Variants in GPATCH11 observed in about 807,000 individuals in gnomAD.
GPATCH11 encodes the protein G-patch domain containing 11.
Under a neutral mutation model 44.8 loss-of-function variants are expected in GPATCH11, and 32 were observed. That is an observed-to-expected ratio of 0.71 (90% CI 0.54 to 0.96). The LOEUF (loss-of-function observed/expected upper bound fraction) is 0.96. GPATCH11 is among the 40% of genes least tolerant of loss of function. GPATCH11 has a pLI of 0.00. For missense variants in GPATCH11, 324 were observed against 303.1 expected (o/e 1.07, Z -0.51); for synonymous variants, 84 against 94.4 (o/e 0.89, Z 0.64).
rs1673721785 is a variant in GPATCH11, at chr2:37,098,752, AAT to A, written c.*2491_*2492del. 6.6e-6 allele frequency: 1 copy of A among 152,214 alleles called. No individual in the cohort carries two copies. The highest frequency in any genetic ancestry group is 1.5e-5 in the Non-Finnish European group (1 of 68,050). The allele number at this position is 152,214 out of a possible 1,614,324, so 9.4% of individuals were successfully genotyped here. ...CCTCTGTTGTCCATCGAAAGATAAA[AAT>A]ACAGGCTTTCAGCCGGGTGCAGTGG... is the stretch of plus-strand genomic sequence containing the variant. On this transcript the variant is annotated 3_prime_UTR_variant, in exon 9 of 9. Transcript: ENST00000674370.
intron 1 of GPATCH11, among the ~76,000 whole-genome samples, chr2:37,085,620 T>C (rs1223619658): frequency 6.6e-6 from 1 of 152,214 alleles, no homozygotes; most frequent in Non-Finnish European, 1.5e-5. Context: ...ATAGTGACTA[T>C]TCTTAGAACC....
chr2:37,091,459 C>T (rs994967460), intron 4 of GPATCH11, among the ~76,000 whole-genome samples: 1 of 152,030 alleles, frequency 6.6e-6, no homozygotes, highest in Non-Finnish European at 1.5e-5. Context: ...ATTCAGGAGG[C>T]TGAGGCGGGA....
At chr2:37,092,109 A>G (rs1673352398) in intron 5 of GPATCH11, 56 bp from the exon 6 acceptor site, 1 of 1,572,018 alleles carries the variant, frequency 6.4e-7, no homozygotes, top group South Asian at 1.2e-5. Context: ...ACTTGGGCAT[A>G]TAAAATGGTT....
At chr2:37,089,574 TAA>T (rs371385606) in intron 2 of GPATCH11, 64 bp from the exon 3 acceptor site, 49,548 of 937,886 alleles carry the variant, frequency 0.053, 328 homozygotes, top group Non-Finnish European at 0.06. Flanking sequence ...TCTCAAAAAA[TAA>T]AAAAAAAAAA....
chr2:37,092,796 A>G (rs79934313), intron 6 of GPATCH11, among the ~76,000 whole-genome samples: 5,247 of 152,274 alleles, frequency 0.034, 128 homozygotes, highest in Non-Finnish European at 0.052. Context: ...ATATTTGATT[A>G]ACAAGAATAG....
rs370591136 is a variant in GPATCH11, at chr2:37,096,196, C to T, written c.737-12C>T. On this transcript the variant is annotated splice_polypyrimidine_tract_variant and intron_variant, in intron 8 of 8. Coordinates refer to ENST00000674370, the MANE Select transcript of GPATCH11 (RefSeq NM_174931.4). The stretch of plus-strand genomic sequence containing the variant: ...TTGTATTAATCTTTCATTTCCCTCA[C>T]ATAACTTACAGATAAAGAAGACCTA... 6.5e-6 allele frequency: 10 copies of T among 1,527,822 alleles called. No homozygotes were observed. The African/African-American group carries it at 1.4e-4, about 21-fold the overall frequency. 94.6% of individuals were successfully genotyped at this position (1,527,822 alleles called of 1,614,324 possible).
intron 6 of GPATCH11, 80 bp from the exon 7 acceptor site, chr2:37,094,002 A>G: frequency 2.2e-6 from 2 of 906,062 alleles, no homozygotes; most frequent in African/African-American, 1.6e-5. Flanking sequence ...TATTGAAAGA[A>G]TGAATTCATG....
Position 37,096,649 on chromosome 2 carries a change from CT to C in GPATCH11, c.*391del. The C allele has an allele frequency of 5.6e-6, 1 of 178,006 alleles. No homozygotes were observed. The highest frequency in any genetic ancestry group is 1.2e-5 in the Non-Finnish European group (1 of 85,698). 11.0% of individuals were successfully genotyped at this position (178,006 alleles called of 1,614,324 possible). On this transcript the variant is annotated 3_prime_UTR_variant, in exon 9 of 9. Coordinates refer to ENST00000674370, the MANE Select transcript of GPATCH11 (RefSeq NM_174931.4). ...AAACTGATACAGAGAAGAAGGTTGACTTTTTCTCCAGTCAGAGACTGTAATA... is the reference window on the plus strand; with the variant it reads ...AAACTGATACAGAGAAGAAGGTTGACTTTTCTCCAGTCAGAGACTGTAATA...
At chr2:37,085,264 G>C (rs999077979) in intron 1 of GPATCH11, among the ~76,000 whole-genome samples, 2 of 152,094 alleles carry the variant, frequency 1.3e-5, no homozygotes, top group Non-Finnish European at 2.9e-5. Flanking sequence ...ACTATGACCC[G>C]GATTCTTTGT....
chr2:37,093,771 C>T lies in GPATCH11; in HGVS notation c.541-311C>T, dbSNP rs111954935. Among the ~76,000 whole-genome samples, 347 of 152,254 alleles carry T rather than the reference C, an allele frequency of 2.3e-3. 1 individual carries two copies. Among genetic ancestry groups the T allele is most frequent in the African/African-American group, 8.0e-3 (334 of 41,542 alleles). On this transcript the variant is annotated intron_variant, in intron 6 of 8. Transcript: ENST00000674370. ...TCCTGGGTTCAAGCAATTCTCCTGC[C>T]TCGGCCTCCTGAGTAGCTGGGACGA... is the stretch of plus-strand genomic sequence containing the variant.
chr2:37,089,426 G>C (rs1673198843), intron 2 of GPATCH11, among the ~76,000 whole-genome samples: 1 of 152,130 alleles, frequency 6.6e-6, no homozygotes, highest in Non-Finnish European at 1.5e-5. Flanking sequence ...AAATAGCCGG[G>C]CATGGTCGTG....
chr2:37,093,231 A>G (rs992866864), intron 6 of GPATCH11, among the ~76,000 whole-genome samples: 4 of 152,184 alleles, frequency 2.6e-5, no homozygotes, highest in African/African-American at 9.7e-5. Context: ...ATGGTGGCTC[A>G]TGTCTGTAAT....
intron 1 of GPATCH11, among the ~76,000 whole-genome samples, chr2:37,085,681 A>C (rs1256297862): frequency 6.6e-6 from 1 of 152,250 alleles, no homozygotes; most frequent in East Asian, 1.9e-4. Context: ...CAGGTGCCTG[A>C]TAAGGTTCTA....
rs777062849 is a variant in GPATCH11 at position 37,091,907 on chromosome 2, T to A, written c.329-9T>A. 9.3e-6 allele frequency: 15 copies of A among 1,605,554 alleles called. No individual in the cohort carries two copies. Among genetic ancestry groups the A allele is most frequent in the Non-Finnish European group, 1.3e-5 (15 of 1,175,102 alleles). On this transcript the variant is annotated splice_polypyrimidine_tract_variant and intron_variant, in intron 4 of 8. Coordinates refer to ENST00000674370, the MANE Select transcript of GPATCH11 (RefSeq NM_174931.4). ...GGATGTTTCTCATCAGAATTTTCTG[T>A]TTGAATAGGGAAAAGTGGCATTGGT... is the stretch of plus-strand genomic sequence containing the variant.
At chr2:37,086,470 A>G (rs1673054861) in intron 1 of GPATCH11, among the ~76,000 whole-genome samples, 3 of 152,206 alleles carry the variant, frequency 2.0e-5, no homozygotes, top group Admixed American at 2.0e-4. Flanking sequence ...CAAGATATAC[A>G]TTATCTAGTT....
At chr2:37,086,559 C>A (rs1380053969) in intron 1 of GPATCH11, among the ~76,000 whole-genome samples, 1 of 152,110 alleles carries the variant, frequency 6.6e-6, no homozygotes, top group Non-Finnish European at 1.5e-5. Flanking sequence ...CTTTGGGAGA[C>A]CGAGTGAGGC....
At chr2:37,088,348 T>G (rs1249146194) in intron 1 of GPATCH11, 21 bp from the exon 2 acceptor site, 1 of 1,246,258 alleles carries the variant, frequency 8.0e-7, no homozygotes, top group South Asian at 1.4e-5. Flanking sequence ...AAAAAAAAAG[T>G]AATTATTACT....
intron 6 of GPATCH11, among the ~76,000 whole-genome samples, chr2:37,093,081 G>A (rs900400257): frequency 6.6e-6 from 1 of 152,222 alleles, no homozygotes; most frequent in African/African-American, 2.4e-5. Flanking sequence ...AGAAGGTTGA[G>A]GTTGCATTGA....
At chr2:37,088,461 A>G (rs768147963) in intron 2 of GPATCH11, 21 bp downstream of exon 2, 2 of 1,175,372 alleles carry the variant, frequency 1.7e-6, no homozygotes, top group East Asian at 2.3e-5. Context: ...GTGCACACCC[A>G]GTGCAATGAT....
Sources: gnomAD v4.1 joint callset for allele counts (sites outside exome capture counted in the v4.1 genomes callset) on GRCh38, gnomAD v4.1.1 for gene constraint, MANE v1.5 for transcripts, NCBI Gene and HGNC (gene_info 2026-07-23, HGNC 2026-07-21) for gene names.